TLR6: variants seen among roughly 807,000 people sequenced by gnomAD.
The protein encoded by TLR6 is toll-like receptor 6.
In TLR6, 9 loss-of-function variants were observed where a neutral mutation model predicts 16.1. The ratio of observed to expected loss-of-function variants is 0.56; its 90% CI spans 0.34 to 0.98. The LOEUF (loss-of-function observed/expected upper bound fraction) is 0.98. TLR6 is among the 50% of genes least tolerant of loss of function. The probability of loss-of-function intolerance (pLI) is 0.02; values close to 1 mark genes in which losing one functional copy is unlikely to be tolerated. For missense variants in TLR6, 786 were observed against 921.0 expected, an observed-to-expected ratio of 0.85 and a Z score of 1.90; for synonymous variants, 340 against 338.6, an observed-to-expected ratio of 1.00 and a Z score of -0.04.
At chr4:38,834,782 A>G (rs896791538) in intron 1 of TLR6, among the ~76,000 whole-genome samples, 2 of 152,218 alleles carry the variant, frequency 1.3e-5, no homozygotes, top group African/African-American at 4.8e-5. Context: ...AGAAGACTAT[A>G]CCCATCAAAG....
intron 1 of TLR6, among the ~76,000 whole-genome samples, chr4:38,851,962 C>T (rs1401578926): frequency 6.6e-6 from 1 of 152,162 alleles, no homozygotes; most frequent in Non-Finnish European, 1.5e-5. Context: ...AGGCATCATG[C>T]TACCTAATTT....
intron 1 of TLR6, among the ~76,000 whole-genome samples, chr4:38,839,136 G>A (rs1484463129): frequency 7.4e-6 from 1 of 134,294 alleles, no homozygotes; most frequent in African/African-American, 2.8e-5. Flanking sequence ...GGGAGGGAAG[G>A]GAGGGAGGGG....
chr4:38,858,869 AAGAAAGAAAGAAAGAAAGAGAG>A (rs1230923079), upstream of TLR6, among the ~76,000 whole-genome samples: 10 of 138,964 alleles, frequency 7.2e-5, no homozygotes, highest in Non-Finnish European at 1.4e-4. Flanking sequence ...GAAAGAAAGA[AAGAAAGAAAGAAAGAAAGAGAG>A]AAAGAAAGAA....
intron 1 of TLR6, among the ~76,000 whole-genome samples, chr4:38,856,471 G>A (rs1299805878): frequency 6.6e-6 from 1 of 152,152 alleles, no homozygotes; most frequent in African/African-American, 2.4e-5. Context: ...GAGAAAATTC[G>A]CTGGGCCAAA....
At chr4:38,846,941 T>C (rs1712554919) in intron 1 of TLR6, among the ~76,000 whole-genome samples, 1 of 152,004 alleles carries the variant, frequency 6.6e-6, no homozygotes, top group African/African-American at 2.4e-5. Flanking sequence ...TTTCAGTCAT[T>C]TATGGGGAAG....
At chr4:38,844,974 G>A (rs11940895) in intron 1 of TLR6, among the ~76,000 whole-genome samples, 454 of 152,222 alleles carry the variant, frequency 3.0e-3, no homozygotes, top group African/African-American at 0.011. Context: ...CAAGAGAATC[G>A]TTCGAACCTG....
chr4:38,842,073 G>A (rs1275121894), intron 1 of TLR6, among the ~76,000 whole-genome samples: 2 of 152,018 alleles, frequency 1.3e-5, no homozygotes, highest in Non-Finnish European at 2.9e-5. Flanking sequence ...ACTTGGGATT[G>A]CATCTTTCAG....
At chr4:38,824,691 ATGT>A (rs1457144583) in exon 2 of TLR6, 5 of 152,266 alleles carry the variant, frequency 3.3e-5, no homozygotes, top group Non-Finnish European at 7.3e-5. Flanking sequence ...AGGAAAACAA[ATGT>A]TGTTCTCCTG....
chr4:38,828,350 G>C, exon 2 of TLR6: 1 of 1,613,172 alleles, frequency 6.2e-7, no homozygotes, highest in Non-Finnish European at 8.5e-7. Context: ...TTTAACTAAC[G>C]TGGAACATTT....
intron 1 of TLR6, among the ~76,000 whole-genome samples, chr4:38,838,108 G>T (rs77170724): frequency 0.19 from 28,875 of 152,194 alleles, 3,761 homozygotes; most frequent in Non-Finnish European, 0.28. Flanking sequence ...ATGCTGGTGA[G>T]AATGCAGAGA....
At chr4:38,830,270 T>G (rs1288617034) in intron 1 of TLR6, among the ~76,000 whole-genome samples, 1 of 152,252 alleles carries the variant, frequency 6.6e-6, no homozygotes, top group Non-Finnish European at 1.5e-5. Context: ...TTGCTCCAGA[T>G]GTTTAAAGAA....
chr4:38,831,586 C>A (rs5743788), intron 1 of TLR6, among the ~76,000 whole-genome samples: 1 of 151,884 alleles, frequency 6.6e-6, no homozygotes, highest in Non-Finnish European at 1.5e-5. Flanking sequence ...ACCACAGACT[C>A]AGAGAAGATA....
chr4:38,862,590 A>ATTTTTTTTT, the TLR6 span, among the ~76,000 whole-genome samples: 5 of 73,714 alleles, frequency 6.8e-5, no homozygotes, highest in Admixed American at 1.9e-4. Flanking sequence ...CCCAATCACC[A>ATTTTTTTTT]TTTTTTTTTT....
chr4:38,843,956 C>T (rs1177837904), intron 1 of TLR6, among the ~76,000 whole-genome samples: 1 of 152,246 alleles, frequency 6.6e-6, no homozygotes, highest in Non-Finnish European at 1.5e-5. Context: ...CTCTCTCTGT[C>T]TCTGATTCAA....
upstream of TLR6, among the ~76,000 whole-genome samples, chr4:38,858,741 AAG>A (rs201909359): frequency 1.6e-4 from 16 of 100,012 alleles, no homozygotes; most frequent in East Asian, 1.1e-3. Flanking sequence ...GAAAGAAAGA[AAG>A]AGAGAGAGAG....
chr4:38,854,029 T>C (rs987558340), intron 1 of TLR6, among the ~76,000 whole-genome samples: 1 of 152,250 alleles, frequency 6.6e-6, no homozygotes, highest in African/African-American at 2.4e-5. Context: ...CTTTGCACAG[T>C]AAGATTATAA....
At chr4:38,866,058 G>T in the TLR6 span, among the ~76,000 whole-genome samples, 1 of 151,780 alleles carries the variant, frequency 6.6e-6, no homozygotes, top group Non-Finnish European at 1.5e-5. Flanking sequence ...AGAATCGCTT[G>T]AACCCAGGAG....
exon 2 of TLR6, chr4:38,829,206 G>C (rs757375236): frequency 6.2e-7 from 1 of 1,614,186 alleles, no homozygotes; most frequent in Non-Finnish European, 8.5e-7. Context: ...AAATCAAGTA[G>C]CTGGATTCTG....
intron 1 of TLR6, among the ~76,000 whole-genome samples, chr4:38,836,238 A>T (rs1052165334): frequency 1.3e-5 from 2 of 152,122 alleles, no homozygotes; most frequent in Non-Finnish European, 2.9e-5. Flanking sequence ...AGCTAGACTA[A>T]CCAAGACAAG....
Sources: allele counts gnomAD v4.1 joint callset (sites outside exome capture counted in the v4.1 genomes callset), GRCh38; gene constraint gnomAD v4.1.1; transcripts MANE v1.5; gene names NCBI Gene and HGNC (gene_info 2026-07-23, HGNC 2026-07-21).